Variants in SETX observed in about 807,000 individuals in gnomAD.
SETX encodes senataxin.
A neutral mutation model predicts 227.2 loss-of-function variants in SETX; 90 were observed. The observed-to-expected ratio is 0.40, with a 90% CI of 0.33 to 0.47. The LOEUF is 0.47. Ranked by LOEUF, SETX falls within the 20% of genes least tolerant of loss-of-function variation. SETX has a pLI of 0.91. For synonymous variants in SETX, 1,210 were observed against 1,113.2 expected, an observed-to-expected ratio of 1.09 and a Z score of -1.73; for missense variants, 3,052 against 3,181.5, an observed-to-expected ratio of 0.96 and a Z score of 0.98.
At chr9:132,308,335 A>G (rs1845452402) in intron 11 of SETX, among the ~76,000 whole-genome samples, 1 of 152,224 alleles carries the variant, frequency 6.6e-6, no homozygotes, top group Admixed American at 6.5e-5. Flanking sequence ...GGAAACACAC[A>G]GAGGACAGAG....
chr9:132,296,108 C>A, intron 14 of SETX, 80 bp from the exon 15 acceptor site: 1 of 1,527,074 alleles, frequency 6.5e-7, no homozygotes, highest in Non-Finnish European at 9.1e-7. Context: ...TAAAGTTTGT[C>A]TTTACTTCCA....
At chr9:132,331,689 T>C (rs763952707) in intron 7 of SETX, among the ~76,000 whole-genome samples, 5 of 151,776 alleles carry the variant, frequency 3.3e-5, no homozygotes, top group Non-Finnish European at 5.9e-5. Context: ...AAAAAAAAAT[T>C]TAGTGGCAAA....
In SETX at chr9:132,277,789, CAAAAAAAAA is replaced by C. The variant is rs372125008; in HGVS notation, c.6842+272_6842+280del. ...GAGTGACAGAATGAGACCCTGTCTT[CAAAAAAAAA>C]AAAAAAAAAAAAAAGGACTGCTGAA... On this transcript the variant is annotated intron_variant, in intron 21 of 25. Transcript: ENST00000224140. 1.8e-4 allele frequency among the ~76,000 whole-genome samples: 12 copies of C among 68,112 alleles called. No homozygotes were observed. In the East Asian group the frequency reaches 2.5e-3, roughly 14 times the overall value. 44.7% of individuals were successfully genotyped at this position (68,112 alleles called of 152,430 possible). A position where few individuals can be genotyped will look rare whatever the true frequency, so the allele number is the denominator to read the frequency against.
chr9:132,281,939 T>C (rs1589633529), intron 19 of SETX, among the ~76,000 whole-genome samples: 1 of 150,556 alleles, frequency 6.6e-6, no homozygotes, highest in African/African-American at 2.5e-5. Flanking sequence ...GGAGAACTGC[T>C]TGAACCCAGG....
At chr9:132,294,153 A>G (rs1844523527) in intron 15 of SETX, among the ~76,000 whole-genome samples, 1 of 152,238 alleles carries the variant, frequency 6.6e-6, no homozygotes, top group Admixed American at 6.5e-5. Context: ...GGGAAAGTTA[A>G]ATTAAAACTA....
chr9:132,316,104 A>C (rs190984135), intron 10 of SETX, among the ~76,000 whole-genome samples: 4 of 152,322 alleles, frequency 2.6e-5, no homozygotes, highest in Admixed American at 2.6e-4. Context: ...ATCCTAAGAC[A>C]TAGAACCCTC....
rs552027079 is a variant in SETX at position 132,314,877 on chromosome 9, A to T, written c.5275-3021T>A. ...CCCCAAGAAAATTCTCTTTAAAAAA[A>T]ATTATTATTATTATTATTATTTTAT... is the stretch of plus-strand genomic sequence containing the variant. On this transcript the variant is annotated intron_variant, in intron 10 of 25. Transcript: ENST00000224140. Among the ~76,000 whole-genome samples the T allele has an allele frequency of 1.1e-3, 163 of 148,532 alleles. 1 individual carries two copies. Among genetic ancestry groups the T allele is most frequent in the African/African-American group, 3.8e-3 (152 of 40,456 alleles).
chr9:132,335,968 G>A (rs529902046), intron 6 of SETX, among the ~76,000 whole-genome samples: 9 of 152,256 alleles, frequency 5.9e-5, no homozygotes, highest in East Asian at 1.9e-4. Context: ...AGGGCCGGGC[G>A]CGGTAGCTCA....
chr9:132,266,686 C>T (rs1317123657), intron 25 of SETX, among the ~76,000 whole-genome samples: 1 of 152,100 alleles, frequency 6.6e-6, no homozygotes, highest in Non-Finnish European at 1.5e-5. Flanking sequence ...GCATGAGAAT[C>T]GCCTGAACCC....
In SETX at chr9:132,295,853, A is replaced by G. The variant is rs1294923212; in HGVS notation, c.6106+19T>C. 1 of 1,608,554 alleles carries G rather than the reference A, an allele frequency of 6.2e-7. No homozygotes were observed. Among genetic ancestry groups the G allele is most frequent in the African/African-American group, 1.3e-5 (1 of 74,920 alleles). ...CACTGAAAACAAAAACAAATTTAAA[A>G]TCCACAAAAGTATCATACCTAAAGG... On this transcript the variant is annotated intron_variant, in intron 15 of 25. Coordinates refer to ENST00000224140, the MANE Select transcript of SETX (RefSeq NM_015046.7).
chr9:132,264,427 A>G lies in SETX; in HGVS notation c.7846T>C (p.Ser2616Pro), dbSNP rs772683008. 1.2e-6 allele frequency: 2 copies of G among 1,613,916 alleles called. No homozygotes were observed. The highest frequency in any genetic ancestry group is 1.3e-5 in the African/African-American group (1 of 74,866). Reference protein sequence around the residue: ...GEPPAASPEASTCQSKCDDPE... With the variant: ...GEPPAASPEAPTCQSKCDDPE... ...TCATCACATTTGCTCTGACACGTGG[A>G]AGCCTCGGGACTGGCAGCTGGAGGT... The change falls in exon 26 of 26, where the codon TCC becomes CCC. Residue 2616 changes from serine to proline, a missense_variant. Physicochemically the swap from Ser to Pro is moderately conservative, Grantham distance 74 (BLOSUM62 -1). Around this residue, in one of 10 missense-constraint regions of SETX, gnomAD observed 294 missense variants for 278.8 expected, o/e 1.05. Coordinates refer to ENST00000224140, the MANE Select transcript of SETX (RefSeq NM_015046.7).
Position 132,329,039 on chromosome 9 carries a change from A to G in SETX, c.2559T>C (p.Asn853=). Residue 853 remains asparagine, a synonymous_variant, in exon 10 of 26, where the codon AAT becomes AAC. Coordinates refer to ENST00000224140, the MANE Select transcript of SETX (RefSeq NM_015046.7). ...LDPSGVLDDK[N]GEQKSQNNVL... is the part of the protein sequence containing the mutation. ...CATTGTTTTGAGATTTTTGTTCTCC[A>G]TTCTTATCATCCAGAACACCACTAG... 3.7e-6 allele frequency: 6 copies of G among 1,608,406 alleles called. No homozygotes were observed. Among genetic ancestry groups the G allele is most frequent in the Non-Finnish European group, 5.1e-6 (6 of 1,178,222 alleles).
In SETX at chr9:132,311,811, G is replaced by A. The variant is rs1391764195; in HGVS notation, c.5320C>T (p.Gln1774Ter). The change falls in exon 11 of 26, where the codon CAG becomes TAG. Residue 1774 changes from glutamine (Q) to a stop codon, truncating the protein, a stop_gained. Transcript: ENST00000224140. LOFTEE classifies it high-confidence loss of function. ...GCAGGAAATTTTCGTACTTGCAACT[G>A]ATAGAAATTCTCTCTATTTGGAGAG... ...LNSPNRENFY[Q>*]LQVRKFPADY... 8.1e-6 allele frequency: 13 copies of A among 1,613,604 alleles called. No homozygotes were observed. Among genetic ancestry groups the A allele is most frequent in the Non-Finnish European group, 1.0e-5 (12 of 1,179,890 alleles).
intron 24 of SETX, among the ~76,000 whole-genome samples, 189 bp downstream of exon 24, chr9:132,271,521 C>A (rs958152416): frequency 6.6e-6 from 1 of 152,000 alleles, no homozygotes; most frequent in African/African-American, 2.4e-5. Context: ...GCCAAGATTG[C>A]ACCAAGATCT....
intron 2 of SETX, among the ~76,000 whole-genome samples, chr9:132,352,177 A>G (rs908636751): frequency 2.0e-5 from 3 of 152,166 alleles, no homozygotes; most frequent in African/African-American, 7.2e-5. Flanking sequence ...CAATCTTTAC[A>G]TTACCAATCC....
rs578225713 is a variant in SETX at position 132,305,761 on chromosome 9, C to T, written c.5375-4958G>A. Among the ~76,000 whole-genome samples, 5 of 152,256 alleles carry T rather than the reference C, an allele frequency of 3.3e-5. No homozygotes were observed. In the South Asian group the frequency reaches 6.2e-4, roughly 19 times the overall value. On this transcript the variant is annotated intron_variant, in intron 11 of 25. Coordinates refer to ENST00000224140, the MANE Select transcript of SETX (RefSeq NM_015046.7). ...AGAATGAGGACCTAAGTGTCCTAGA[C>T]TGAAGGAAACTAAGAAGACATCACA...
At chr9:132,315,780 G>C (rs1056626475) in intron 10 of SETX, among the ~76,000 whole-genome samples, 1 of 152,032 alleles carries the variant, frequency 6.6e-6, no homozygotes, top group South Asian at 2.1e-4. Flanking sequence ...CCAAATCTCC[G>C]GTTCGTGATG....
chr9:132,272,162 G>A lies in SETX; in HGVS notation c.7101-354C>T, dbSNP rs541807876. 5.3e-5 allele frequency among the ~76,000 whole-genome samples: 8 copies of A among 151,966 alleles called. No homozygotes were observed. In the South Asian group the frequency reaches 8.3e-4, roughly 16 times the overall value. On this transcript the variant is annotated intron_variant, in intron 23 of 25. Transcript: ENST00000224140. ...TGGGATTACAGGCGTGAGCCACCGC[G>A]TCCGGCTTAGTTTTTTGGTTTTTGA...
At chr9:132,356,567 T>C (rs1848923790), upstream of SETX, among the ~76,000 whole-genome samples, 1 of 152,022 alleles carries the variant, frequency 6.6e-6, no homozygotes, top group South Asian at 2.1e-4. Flanking sequence ...TTACAGTTAA[T>C]AGAGGAGACA....
Sources: gnomAD v4.1 joint callset for allele counts (sites outside exome capture counted in the v4.1 genomes callset) on GRCh38, gnomAD v4.1.1 for gene constraint, gnomAD v4.1.1 regional missense constraint, MANE v1.5 for transcripts, NCBI Gene and HGNC (gene_info 2026-07-23, HGNC 2026-07-21) for gene names.